The following GLIS3 variants were observed in gnomAD, a reference collection of about 807,000 sequenced individuals.
GLIS3 encodes the protein GLIS family zinc finger 3.
A neutral mutation model predicts 78.6 loss-of-function variants in GLIS3; 53 were observed. That is an observed-to-expected ratio of 0.67 (90% confidence interval 0.54 to 0.85). The LOEUF (loss-of-function observed/expected upper bound fraction) is 0.85, where lower values mean the gene tolerates loss of function less well. GLIS3 is among the 40% of genes least tolerant of loss of function. The pLI is 0.00. For synonymous variants in GLIS3, 684 were observed against 509.9 expected (o/e 1.34, Z -4.60); for missense variants, 1,703 against 1,231.1 (o/e 1.38, Z -5.74).
the GLIS3 span, among the ~76,000 whole-genome samples, chr9:4,385,759 AAG>A: frequency 1.6e-3 from 72 of 46,314 alleles, 2 homozygotes; most frequent in Non-Finnish European, 2.3e-3. Context: ...GAAAGAAAGA[AAG>A]AAAGAAAGAA....
intron 2 of GLIS3, among the ~76,000 whole-genome samples, chr9:4,344,584 G>A (rs537121526): frequency 6.6e-6 from 1 of 152,178 alleles, no homozygotes; most frequent in African/African-American, 2.4e-5. Context: ...CAGTCTTCTG[G>A]CTTTAAATAT....
At chr9:4,385,777 GAA>G in the GLIS3 span, among the ~76,000 whole-genome samples, 2 of 69,720 alleles carry the variant, frequency 2.9e-5, no homozygotes, top group African/African-American at 1.5e-4. Context: ...AAGAAAGAAA[GAA>G]AGAAAGAAAG....
intron 4 of GLIS3, among the ~76,000 whole-genome samples, chr9:3,953,437 G>C (rs1816832020): frequency 6.6e-6 from 1 of 152,118 alleles, no homozygotes; most frequent in Non-Finnish European, 1.5e-5. Flanking sequence ...GACTAAAATG[G>C]GCTGATGGAT....
intron 2 of GLIS3, among the ~76,000 whole-genome samples, chr9:4,237,413 A>C (rs955388568): frequency 6.6e-6 from 1 of 152,232 alleles, no homozygotes; most frequent in East Asian, 1.9e-4. Context: ...ATATAACTAC[A>C]GGTATTTTAA....
At chr9:3,865,827 A>G (rs1820537498) in intron 8 of GLIS3, among the ~76,000 whole-genome samples, 1 of 152,234 alleles carries the variant, frequency 6.6e-6, no homozygotes, top group African/African-American at 2.4e-5. Context: ...TTTCCTTTAT[A>G]GGCATCCTAA....
intron 4 of GLIS3, among the ~76,000 whole-genome samples, chr9:4,003,979 C>A (rs918106230): frequency 1.3e-5 from 2 of 152,094 alleles, no homozygotes; most frequent in African/African-American, 4.8e-5. Context: ...TATTATGATG[C>A]CCCAGTGCAC....
At chr9:3,978,076 G>T (rs1275953242) in intron 4 of GLIS3, among the ~76,000 whole-genome samples, 1 of 151,940 alleles carries the variant, frequency 6.6e-6, no homozygotes, top group Non-Finnish European at 1.5e-5. Context: ...GAGAATGAAG[G>T]GAGGACTCAA....
chr9:3,872,820 A>T (rs1186953843), intron 8 of GLIS3, among the ~76,000 whole-genome samples: 1 of 152,232 alleles, frequency 6.6e-6, no homozygotes, highest in Non-Finnish European at 1.5e-5. Flanking sequence ...CTTATATCAA[A>T]AAAGTAGAAA....
intron 4 of GLIS3, among the ~76,000 whole-genome samples, chr9:4,103,844 T>C (rs1243433377): frequency 6.6e-6 from 1 of 152,182 alleles, no homozygotes; most frequent in Non-Finnish European, 1.5e-5. Context: ...GCAGGCTAAC[T>C]TGGAACAACC....
intron 4 of GLIS3, among the ~76,000 whole-genome samples, chr9:3,963,062 G>C (rs1817685759): frequency 6.6e-6 from 1 of 151,926 alleles, no homozygotes; most frequent in Non-Finnish European, 1.5e-5. Context: ...AAACGAAAAG[G>C]ACACACATAT....
intron 2 of GLIS3, among the ~76,000 whole-genome samples, chr9:4,272,337 T>A (rs1393076817): frequency 6.6e-6 from 1 of 152,152 alleles, no homozygotes; most frequent in Non-Finnish European, 1.5e-5. Flanking sequence ...GTAGACATAA[T>A]GTATCTTTCA....
At chr9:4,182,606 A>T (rs994304442) in intron 2 of GLIS3, among the ~76,000 whole-genome samples, 4 of 152,234 alleles carry the variant, frequency 2.6e-5, no homozygotes, top group African/African-American at 9.6e-5. Context: ...GTTCACAGGG[A>T]AAGAGATTCA....
intron 2 of GLIS3, among the ~76,000 whole-genome samples, chr9:4,248,084 G>A (rs1313345021): frequency 6.6e-6 from 1 of 152,018 alleles, no homozygotes; most frequent in African/African-American, 2.4e-5. Flanking sequence ...ATTCTTCTAT[G>A]AATTCAACTT....
intron 2 of GLIS3, among the ~76,000 whole-genome samples, chr9:4,166,754 G>C (rs538126602): frequency 6.6e-6 from 1 of 152,328 alleles, no homozygotes; most frequent in Non-Finnish European, 1.5e-5. Flanking sequence ...AGTGAACAGA[G>C]GGTCTTCAGT....
At chr9:3,965,472 G>A (rs1817874107) in intron 4 of GLIS3, among the ~76,000 whole-genome samples, 1 of 152,118 alleles carries the variant, frequency 6.6e-6, no homozygotes, top group African/African-American at 2.4e-5. Flanking sequence ...GGGATTACAG[G>A]CGTGAGCCAC....
intron 4 of GLIS3, among the ~76,000 whole-genome samples, chr9:4,052,243 T>A (rs916787008): frequency 6.6e-6 from 1 of 152,296 alleles, no homozygotes; most frequent in Admixed American, 6.5e-5. Flanking sequence ...GTACATTTCG[T>A]TTTCAGGATA....
chr9:4,484,916 C>T, the GLIS3 span, among the ~76,000 whole-genome samples: 1 of 150,688 alleles, frequency 6.6e-6, no homozygotes, highest in South Asian at 2.1e-4. Flanking sequence ...ACCATCGGTC[C>T]AGAGGACACA....
intron 2 of GLIS3, among the ~76,000 whole-genome samples, chr9:4,280,559 A>T (rs967929507): frequency 6.6e-6 from 1 of 152,232 alleles, no homozygotes; most frequent in African/African-American, 2.4e-5. Flanking sequence ...GCAGAAGGCC[A>T]GATCAAACTT....
intron 2 of GLIS3, among the ~76,000 whole-genome samples, chr9:4,134,405 A>C (rs1189724440): frequency 2.6e-5 from 4 of 152,110 alleles, no homozygotes; most frequent in Non-Finnish European, 5.9e-5. Flanking sequence ...ATTGGAAAAT[A>C]TTTTTATTTT....
Sources: allele counts gnomAD v4.1 joint callset (sites outside exome capture counted in the v4.1 genomes callset), GRCh38; gene constraint gnomAD v4.1.1; transcripts MANE v1.5; gene names NCBI Gene and HGNC (gene_info 2026-07-23, HGNC 2026-07-21).